KCNMA1: variants seen among roughly 807,000 people sequenced by gnomAD.
The protein encoded by KCNMA1 is Calcium-activated potassium channel subunit alpha-1.
In KCNMA1, 29 loss-of-function variants were observed where a neutral mutation model predicts 140.0. That is an observed-to-expected ratio of 0.21 (90% CI 0.15 to 0.28). The LOEUF is 0.28. Among genes scored for constraint, KCNMA1 ranks in the 10% least tolerant of loss-of-function variants. KCNMA1 has a pLI of 1.00. For synonymous variants in KCNMA1, 612 were observed against 611.9 expected (o/e 1.00, Z 0.00); for missense variants, 880 against 1,602.2 (o/e 0.55, Z 7.70).
chr10:77,100,302 T>C (rs913317723), intron 9 of KCNMA1, among the ~76,000 whole-genome samples: 6 of 152,178 alleles, frequency 3.9e-5, no homozygotes, highest in Non-Finnish European at 7.4e-5. Context: ...GCTAAGGTCA[T>C]ATAAGCTCCC....
chr10:77,370,326 G>C (rs2154411489), intron 2 of KCNMA1, among the ~76,000 whole-genome samples: 1 of 152,220 alleles, frequency 6.6e-6, no homozygotes, highest in Non-Finnish European at 1.5e-5. Context: ...TGCAGTCTAA[G>C]CCTCCAGGTG....
intron 5 of KCNMA1, among the ~76,000 whole-genome samples, chr10:77,159,799 C>T (rs1487504924): frequency 6.6e-6 from 1 of 152,148 alleles, no homozygotes. Context: ...ACTCTCCTGC[C>T]ATATTCAATG....
chr10:77,480,633 A>G (rs536227128), intron 1 of KCNMA1, among the ~76,000 whole-genome samples: 44 of 152,270 alleles, frequency 2.9e-4, no homozygotes, highest in African/African-American at 1.0e-3. Context: ...AGACCAGGCT[A>G]TGGCTCCCCT....
intron 1 of KCNMA1, among the ~76,000 whole-genome samples, chr10:77,454,696 T>C (rs1037091653): frequency 6.6e-6 from 1 of 152,218 alleles, no homozygotes; most frequent in African/African-American, 2.4e-5. Context: ...TTTCCTTCTT[T>C]ACTTGGGGAT....
chr10:77,451,672 T>A (rs771174961), intron 1 of KCNMA1, among the ~76,000 whole-genome samples: 60 of 152,010 alleles, frequency 3.9e-4, no homozygotes, highest in Non-Finnish European at 7.8e-4. Flanking sequence ...TGCCCAGGAG[T>A]AGGCAGTCTA....
chr10:77,337,823 G>A (rs527913598), intron 2 of KCNMA1, among the ~76,000 whole-genome samples: 1 of 152,312 alleles, frequency 6.6e-6, no homozygotes, highest in South Asian at 2.1e-4. Flanking sequence ...ATCAGCAGAA[G>A]TGGCATATGT....
chr10:77,487,232 T>C (rs1252131238), intron 1 of KCNMA1, among the ~76,000 whole-genome samples: 10 of 152,184 alleles, frequency 6.6e-5, no homozygotes, highest in Non-Finnish European at 1.5e-4. Flanking sequence ...TTCTTTGATA[T>C]GAACTTCTTT....
At chr10:76,892,128 C>T (rs1325635052) in intron 25 of KCNMA1, among the ~76,000 whole-genome samples, 1 of 152,156 alleles carries the variant, frequency 6.6e-6, no homozygotes, top group South Asian at 2.1e-4. Context: ...GTCTCTGAGG[C>T]CCTGTCATCC....
chr10:77,045,631 G>A (rs971632089), intron 14 of KCNMA1, among the ~76,000 whole-genome samples: 5 of 152,162 alleles, frequency 3.3e-5, no homozygotes, highest in Admixed American at 6.5e-5. Flanking sequence ...TTGGCTCCAC[G>A]GGAAGTCACA....
chr10:76,894,899 G>A (rs1002349404), intron 25 of KCNMA1, among the ~76,000 whole-genome samples: 2 of 152,216 alleles, frequency 1.3e-5, no homozygotes, highest in African/African-American at 4.8e-5. Context: ...AGTTAAGGGA[G>A]GAGACCACCC....
At chr10:77,131,293 A>G (rs990708616) in intron 5 of KCNMA1, among the ~76,000 whole-genome samples, 3 of 152,224 alleles carry the variant, frequency 2.0e-5, no homozygotes, top group Non-Finnish European at 2.9e-5. Context: ...GGCTAACAGA[A>G]GATCTCAAAT....
chr10:77,219,884 G>A (rs1323879187), intron 3 of KCNMA1, among the ~76,000 whole-genome samples: 1 of 152,196 alleles, frequency 6.6e-6, no homozygotes, highest in Admixed American at 6.5e-5. Flanking sequence ...CCGAACACTG[G>A]CTGAGCAGTC....
intron 19 of KCNMA1, chr10:76,977,669 ACCCGTGGAGC>A (rs2078078865): frequency 1.4e-6 from 1 of 702,654 alleles, no homozygotes; most frequent in South Asian, 1.5e-5. Context: ...CAAAAGAAAT[ACCCGTGGAGC>A]CCACCTGAAG....
chr10:77,039,441 G>A (rs1425358095), intron 15 of KCNMA1, 87 bp downstream of exon 15: 15 of 806,654 alleles, frequency 1.9e-5, no homozygotes, highest in African/African-American at 6.8e-5. Context: ...TGCTCCAACT[G>A]TACCCAGCAG....
At chr10:77,353,742 C>G (rs2093162811) in intron 2 of KCNMA1, among the ~76,000 whole-genome samples, 1 of 152,150 alleles carries the variant, frequency 6.6e-6, no homozygotes, top group East Asian at 1.9e-4. Context: ...CAGCCACCAT[C>G]ATCCCAACTA....
chr10:77,405,005 A>G (rs2096423123), intron 1 of KCNMA1, among the ~76,000 whole-genome samples: 2 of 152,214 alleles, frequency 1.3e-5, no homozygotes, highest in Admixed American at 1.3e-4. Context: ...TCTACACCAG[A>G]CCTTTCCAGT....
At chr10:77,416,450 G>T (rs1410275986) in intron 1 of KCNMA1, among the ~76,000 whole-genome samples, 1 of 152,168 alleles carries the variant, frequency 6.6e-6, no homozygotes, top group African/African-American at 2.4e-5. Flanking sequence ...AATACTACAA[G>T]TGTTACCGTG....
intron 19 of KCNMA1, among the ~76,000 whole-genome samples, chr10:76,996,733 T>C (rs572549511): frequency 5.3e-5 from 8 of 152,274 alleles, no homozygotes; most frequent in African/African-American, 1.9e-4. Context: ...CGATTCGTGC[T>C]TATTATCCTT....
Position 77,370,050 on chromosome 10 carries a change from C to A in KCNMA1, c.540+33812G>T, listed in dbSNP as rs535842242. Among the ~76,000 whole-genome samples, 7 of 152,202 alleles carry A rather than the reference C, an allele frequency of 4.6e-5. No homozygotes were observed. In the South Asian group the frequency reaches 8.3e-4, roughly 18 times the overall value. ...CAGCAAGGTGGGGCATGACATATTG[C>A]CCCCCAAAATATGAACCAATTGAAT... On this transcript the variant is annotated intron_variant, in intron 2 of 27. Coordinates refer to ENST00000286628, the MANE Select transcript of KCNMA1 (RefSeq NM_001161352.2).
Sources: allele counts gnomAD v4.1 joint callset (sites outside exome capture counted in the v4.1 genomes callset), GRCh38; gene constraint gnomAD v4.1.1; transcripts MANE v1.5; gene names NCBI Gene and HGNC (gene_info 2026-07-23, HGNC 2026-07-21).